The following MAP3K7 variants were observed in gnomAD, a reference collection of about 807,000 sequenced individuals.
MAP3K7 encodes the protein TGF-beta activated kinase 1.
In MAP3K7, 21 loss-of-function variants were observed where a neutral mutation model predicts 84.8. That is an observed-to-expected ratio of 0.25 (90% CI 0.18 to 0.36). MAP3K7 has a LOEUF of 0.36. Among genes scored for constraint, MAP3K7 ranks in the 10% least tolerant of loss-of-function variants. The pLI is 1.00. For missense variants in MAP3K7, 503 were observed against 747.7 expected, an observed-to-expected ratio of 0.67 and a Z score of 3.82; for synonymous variants, 241 against 247.7, an observed-to-expected ratio of 0.97 and a Z score of 0.25.
rs1313293929 is a variant in MAP3K7 at position 90,516,478 on chromosome 6, C to T, written c.*23G>A. 2 of 1,597,576 alleles carry T rather than the reference C, an allele frequency of 1.3e-6. No homozygotes were observed. Among genetic ancestry groups the T allele is most frequent in the Admixed American group, 3.6e-5 (2 of 55,434 alleles). On this transcript the variant is annotated 3_prime_UTR_variant, in exon 17 of 17. Transcript: ENST00000369329. ...AAAAAAAGTCTTTCTTTGCATATTT[C>T]AAAATGTAACGGTCCCAGAGAATCA...
At chr6:90,574,268 TTTTC>T (rs1166529790) in intron 1 of MAP3K7, among the ~76,000 whole-genome samples, 1 of 152,134 alleles carries the variant, frequency 6.6e-6, no homozygotes, top group Non-Finnish European at 1.5e-5. Flanking sequence ...TACTCATTTC[TTTTC>T]TTTCTTTTTT....
intron 13 of MAP3K7, among the ~76,000 whole-genome samples, chr6:90,531,623 A>T (rs1775507337): frequency 6.6e-6 from 1 of 152,176 alleles, no homozygotes; most frequent in Admixed American, 6.5e-5. Context: ...GAATTTTATT[A>T]TTCTTACATG....
chr6:90,561,860 A>G (rs1025143505), intron 3 of MAP3K7, among the ~76,000 whole-genome samples, 193 bp from the exon 4 acceptor site: 1 of 152,196 alleles, frequency 6.6e-6, no homozygotes. Flanking sequence ...CTAGGAGTCC[A>G]CTAACAGTGA....
intron 1 of MAP3K7, among the ~76,000 whole-genome samples, chr6:90,580,549 G>A (rs1483684609): frequency 6.6e-6 from 1 of 152,072 alleles, no homozygotes; most frequent in Non-Finnish European, 1.5e-5. Context: ...TCAAACTCCT[G>A]GCCTCATACA....
At position 90,523,758 on chromosome 6, in the gene MAP3K7, C is replaced by T; in HGVS notation, c.1382G>A (p.Ser461Asn). Residue 461 changes from serine (S) to asparagine (N), a missense_variant, in exon 14 of 17, where the codon AGT becomes AAT. Ser to Asn is a conservative substitution (Grantham distance 46). This residue lies in a region of MAP3K7 where 286 missense variants were observed against 313.6 expected (regional missense o/e 0.91). Transcript: ENST00000369329. ...GQVSSRSSSP[S>N]VRMITTSGPT... Reference sequence around the variant, plus strand: ...TCCTGAGGTAGTAATCATTCTGACACTGGGACTGGATGACCTACTGCTCAC... The same window carrying T: ...TCCTGAGGTAGTAATCATTCTGACATTGGGACTGGATGACCTACTGCTCAC... The T allele has an allele frequency of 1.2e-6, 2 of 1,612,098 alleles. No homozygotes were observed. Among genetic ancestry groups the T allele is most frequent in the Non-Finnish European group, 1.7e-6 (2 of 1,178,484 alleles).
At chr6:90,556,424 G>T in intron 6 of MAP3K7, 76 bp downstream of exon 6, 1 of 1,484,910 alleles carries the variant, frequency 6.7e-7, no homozygotes, top group Non-Finnish European at 9.1e-7. Context: ...ATGGAAATGG[G>T]GAAAATCTAT....
chr6:90,582,609 T>C (rs72915761), intron 1 of MAP3K7, among the ~76,000 whole-genome samples: 6,277 of 152,256 alleles, frequency 0.041, 197 homozygotes, highest in East Asian at 0.079. Context: ...AACAGCGCTT[T>C]AGGCAGAGGA....
intron 12 of MAP3K7, chr6:90,542,055 T>A: frequency 6.0e-6 from 1 of 165,912 alleles, no homozygotes; most frequent in East Asian, 1.9e-4. Context: ...TTAAACAGTT[T>A]GAATATATCA....
intron 16 of MAP3K7, among the ~76,000 whole-genome samples, chr6:90,517,724 T>TC (rs1356008610): frequency 6.6e-6 from 1 of 151,530 alleles, no homozygotes; most frequent in East Asian, 1.9e-4. Flanking sequence ...TTTTTCTCTC[T>TC]TTTTTTTGAA....
chr6:90,556,025 C>T (rs1264866445), intron 6 of MAP3K7, among the ~76,000 whole-genome samples: 1 of 152,194 alleles, frequency 6.6e-6, no homozygotes, highest in Non-Finnish European at 1.5e-5. Context: ...AAAAAGGGCT[C>T]TGAACAGCAC....
chr6:90,543,444 T>A (rs781205722), intron 12 of MAP3K7, among the ~76,000 whole-genome samples: 3 of 152,086 alleles, frequency 2.0e-5, no homozygotes, highest in Non-Finnish European at 4.4e-5. Flanking sequence ...TTAATAAATG[T>A]ATTTATTAAA....
At chr6:90,574,284 T>C (rs567694922) in intron 1 of MAP3K7, among the ~76,000 whole-genome samples, 39 of 152,252 alleles carry the variant, frequency 2.6e-4, no homozygotes, top group African/African-American at 8.9e-4. Context: ...TTCTTTTTTC[T>C]TTTGGGTAGA....
intron 1 of MAP3K7, among the ~76,000 whole-genome samples, chr6:90,579,667 G>C (rs1176970979): frequency 6.6e-6 from 1 of 152,172 alleles, no homozygotes; most frequent in Non-Finnish European, 1.5e-5. Flanking sequence ...TAGATTTACA[G>C]ATATTATCTC....
Position 90,556,450 on chromosome 6 carries a change from C to A in MAP3K7, c.607+50G>T, listed in dbSNP as rs1194463312. ...GAAAATCTATAAAAACATATGAATT[C>A]ACAAGGAGTGAGGGAGATTATCAAA... On this transcript the variant is annotated intron_variant, in intron 6 of 16. Coordinates refer to ENST00000369329, the MANE Select transcript of MAP3K7 (RefSeq NM_145331.3). 9 of 1,573,470 alleles carry A rather than the reference C, an allele frequency of 5.7e-6. No homozygotes were observed. The African/African-American group carries it at 8.2e-5, about 14-fold the overall frequency.
At chr6:90,546,560 A>C (rs1367106756) in intron 11 of MAP3K7, among the ~76,000 whole-genome samples, 1 of 152,136 alleles carries the variant, frequency 6.6e-6, no homozygotes, top group Non-Finnish European at 1.5e-5. Context: ...AAAACCAAAA[A>C]CGTCCAAATT....
intron 13 of MAP3K7, among the ~76,000 whole-genome samples, chr6:90,533,423 T>G (rs1487724941): frequency 1.3e-5 from 2 of 152,230 alleles, no homozygotes; most frequent in African/African-American, 4.8e-5. Context: ...GAAAGTATTA[T>G]AGGATTTAGG....
At chr6:90,535,146 A>G (rs1235340297) in intron 13 of MAP3K7, among the ~76,000 whole-genome samples, 1 of 152,138 alleles carries the variant, frequency 6.6e-6, no homozygotes, top group Non-Finnish European at 1.5e-5. Context: ...TGAAATAAAC[A>G]TATTTCCAGA....
intron 13 of MAP3K7, among the ~76,000 whole-genome samples, chr6:90,532,222 AG>A (rs1775532115): frequency 6.6e-6 from 1 of 152,210 alleles, no homozygotes; most frequent in African/African-American, 2.4e-5. Flanking sequence ...CCTTGACACA[AG>A]GTTTCCTTAT....
chr6:90,572,603 G>C (rs1776943460), intron 1 of MAP3K7, among the ~76,000 whole-genome samples: 1 of 151,540 alleles, frequency 6.6e-6, no homozygotes, highest in Admixed American at 6.6e-5. Flanking sequence ...ATTTATGGTG[G>C]TGGCTGACAA....
Sources: gnomAD v4.1 joint callset for allele counts (sites outside exome capture counted in the v4.1 genomes callset) on GRCh38, gnomAD v4.1.1 for gene constraint, gnomAD v4.1.1 regional missense constraint, MANE v1.5 for transcripts, NCBI Gene and HGNC (gene_info 2026-07-23, HGNC 2026-07-21) for gene names.